Variants in TBCD observed in about 807,000 individuals in gnomAD.
TBCD encodes the protein tubulin-specific chaperone D.
A neutral mutation model predicts 169.3 loss-of-function variants in TBCD; 105 were observed. That is an observed-to-expected ratio of 0.62 (90% confidence interval 0.53 to 0.73). TBCD has a LOEUF of 0.73. Ranked by LOEUF, TBCD falls within the 30% of genes least tolerant of loss-of-function variation. The pLI is 0.00. For synonymous variants in TBCD, 700 were observed against 643.9 expected, an observed-to-expected ratio of 1.09 and a Z score of -1.32; for missense variants, 1,444 against 1,600.1, an observed-to-expected ratio of 0.90 and a Z score of 1.66.
intron 36 of TBCD, chr17:82,939,082 G>A (rs1463669672): frequency 3.9e-6 from 2 of 511,430 alleles, no homozygotes; most frequent in Admixed American, 6.8e-5. Context: ...TGCTTCTCTG[G>A]TGAGGGAGCA....
At chr17:82,871,992 G>A (rs1292231003) in intron 14 of TBCD, among the ~76,000 whole-genome samples, 2 of 152,156 alleles carry the variant, frequency 1.3e-5, no homozygotes, top group Non-Finnish European at 2.9e-5. Flanking sequence ...CTCGGTGACA[G>A]GCGCTTTTCT....
intron 13 of TBCD, among the ~76,000 whole-genome samples, chr17:82,847,200 A>C (rs1303992902): frequency 6.6e-6 from 1 of 151,798 alleles, no homozygotes; most frequent in Non-Finnish European, 1.5e-5. Context: ...AAATACACAA[A>C]AAATTAGCTG....
intron 13 of TBCD, among the ~76,000 whole-genome samples, chr17:82,829,080 G>A (rs149129297): frequency 3.8e-4 from 52 of 136,510 alleles, no homozygotes; most frequent in Non-Finnish European, 5.3e-4. Context: ...TAGCACACAC[G>A]CACACCCACA....
intron 1 of TBCD, among the ~76,000 whole-genome samples, chr17:82,753,868 G>GTTTTTTTTT (rs57196730): frequency 7.2e-5 from 9 of 125,328 alleles, no homozygotes; most frequent in African/African-American, 2.8e-4. Context: ...TAGACTAGAG[G>GTTTTTTTTT]TTTTTTTTTT....
At chr17:82,843,060 G>A (rs556378895) in intron 13 of TBCD, among the ~76,000 whole-genome samples, 114 of 152,210 alleles carry the variant, frequency 7.5e-4, no homozygotes, top group African/African-American at 2.6e-3. Context: ...GATTACAGGT[G>A]TGAGCCACCA....
chr17:82,883,423 A>G (rs750445129), intron 14 of TBCD, among the ~76,000 whole-genome samples: 12 of 152,234 alleles, frequency 7.9e-5, no homozygotes, highest in Admixed American at 1.3e-4. Context: ...GGTTATTCAC[A>G]GTAACTGAGC....
intron 34 of TBCD, among the ~76,000 whole-genome samples, chr17:82,936,040 G>A (rs1045965410): frequency 5.3e-5 from 8 of 152,222 alleles, no homozygotes; most frequent in Admixed American, 3.3e-4. Flanking sequence ...TTGCTTTTGA[G>A]TGTTACCTCT....
intron 13 of TBCD, among the ~76,000 whole-genome samples, chr17:82,855,369 A>T (rs1181100177): frequency 6.8e-6 from 1 of 147,048 alleles, no homozygotes; most frequent in Non-Finnish European, 1.5e-5. Context: ...GACTAAAGCG[A>T]TCCTTCCACC....
Position 82,831,222 on chromosome 17 carries a change from G to A in TBCD, c.1318+16288G>A, listed in dbSNP as rs781775012. On this transcript the variant is annotated intron_variant, in intron 13 of 38. Transcript: ENST00000355528. The surrounding 1 kb of genome is among the most constrained non-coding windows in gnomAD (Gnocchi z 4.6). ...AGTCGGTGGGGCTCGGCCTCCCTGG[G>A]GAGCCCGTGGCTGCACTCCCTGCGC... is the stretch of plus-strand genomic sequence containing the variant. 6.2e-7 allele frequency: 1 copy of A among 1,614,002 alleles called. No homozygotes were observed. Among genetic ancestry groups the A allele is most frequent in the South Asian group, 1.1e-5 (1 of 91,080 alleles).
chr17:82,860,514 A>G, intron 13 of TBCD: 9 of 867,982 alleles, frequency 1.0e-5, no homozygotes, highest in Non-Finnish European at 1.2e-5. Context: ...GCAAACAGCA[A>G]TTACTTGGGA....
intron 13 of TBCD, among the ~76,000 whole-genome samples, chr17:82,815,301 C>T (rs746663742): frequency 7.9e-5 from 12 of 152,218 alleles, no homozygotes; most frequent in South Asian, 2.1e-4. Flanking sequence ...TCCCCAAAAC[C>T]GGTTTTCATT....
At chr17:82,858,610 C>G (rs888213530) in intron 13 of TBCD, 1 of 985,266 alleles carries the variant, frequency 1.0e-6, no homozygotes, top group Non-Finnish European at 1.2e-6. Context: ...GCCTGGTTCG[C>G]TGGGTGTGCC....
chr17:82,915,872 G>A lies in TBCD; in HGVS notation c.2038+4083G>A, dbSNP rs1325738419. ...GCAAGCCGGGGACACGCTGTTAATG[G>A]ACTTCCTGCTGTGGGGGTGAGGGCT... is the stretch of plus-strand genomic sequence containing the variant. On this transcript the variant is annotated intron_variant, in intron 23 of 38. Transcript: ENST00000355528. This position sits in a 1 kb window ranked among gnomAD's most constrained non-coding sequence, Gnocchi z 4.3. Among the ~76,000 whole-genome samples, 1 of 152,202 alleles carries A rather than the reference G, an allele frequency of 6.6e-6. No homozygotes were observed. The highest frequency in any genetic ancestry group is 2.4e-5 in the African/African-American group (1 of 41,454).
chr17:82,798,615 C>T (rs1376507696), intron 8 of TBCD, among the ~76,000 whole-genome samples: 2 of 152,022 alleles, frequency 1.3e-5, no homozygotes, highest in Non-Finnish European at 2.9e-5. Flanking sequence ...GGGATTGCTG[C>T]CAGGGGTCTC....
At chr17:82,885,303 C>T (rs914351343) in intron 15 of TBCD, among the ~76,000 whole-genome samples, 1 of 151,508 alleles carries the variant, frequency 6.6e-6, no homozygotes, top group African/African-American at 2.4e-5. Context: ...AGTGTTGGTT[C>T]TCTCTCTCTC....
At chr17:82,771,831 G>A (rs2048325751) in intron 5 of TBCD, among the ~76,000 whole-genome samples, 1 of 152,038 alleles carries the variant, frequency 6.6e-6, no homozygotes, top group Non-Finnish European at 1.5e-5. Flanking sequence ...GGCTGAGGCA[G>A]GAGAATGGCG....
intron 13 of TBCD, among the ~76,000 whole-genome samples, chr17:82,857,670 GCTTGTCGGAGTGTTATTA>G (rs1297078790): frequency 6.6e-6 from 1 of 151,148 alleles, no homozygotes; most frequent in African/African-American, 2.4e-5. Flanking sequence ...AAAGTATGAA[GCTTGTCGGAGTGTTATTA>G]CTTGGCATAG....
chr17:82,906,187 T>C, intron 20 of TBCD, 134 bp downstream of exon 20: 1 of 695,072 alleles, frequency 1.4e-6, no homozygotes, highest in Non-Finnish European at 2.4e-6. Flanking sequence ...TCACAGTCGA[T>C]AGGCCCCAGG....
At chr17:82,908,052 T>C (rs1263652291) in intron 21 of TBCD, among the ~76,000 whole-genome samples, 1 of 152,222 alleles carries the variant, frequency 6.6e-6, no homozygotes, top group Admixed American at 6.5e-5. Flanking sequence ...AAGAGACTCC[T>C]AGGAAATGAG....
Sources: gnomAD v4.1 joint callset for allele counts (sites outside exome capture counted in the v4.1 genomes callset) on GRCh38, gnomAD v4.1.1 for gene constraint, Gnocchi (gnomAD v3.1) non-coding constraint, MANE v1.5 for transcripts, NCBI Gene and HGNC (gene_info 2026-07-23, HGNC 2026-07-21) for gene names.